The following PTER variants were observed in gnomAD, a reference collection of about 807,000 sequenced individuals.
The protein encoded by PTER is N-acetyltaurine hydrolase.
PTER carries 38 observed loss-of-function variants against 29.6 expected under a neutral mutation model. The ratio of observed to expected loss-of-function variants is 1.28; its 90% CI spans 0.99 to 1.68. PTER has a LOEUF of 1.68. PTER is among the 40% of genes most tolerant of loss of function. The pLI is 0.00. For missense variants in PTER, 482 were observed against 427.8 expected, an observed-to-expected ratio of 1.13 and a Z score of -1.12; for synonymous variants, 172 against 154.5, an observed-to-expected ratio of 1.11 and a Z score of -0.84.
At chr10:16,514,873 T>C (rs1375078376), downstream of PTER, among the ~76,000 whole-genome samples, 1 of 152,206 alleles carries the variant, frequency 6.6e-6, no homozygotes, top group Non-Finnish European at 1.5e-5. Context: ...TGTGGCAGTT[T>C]CCGCTACGTT....
intron 1 of PTER, among the ~76,000 whole-genome samples, chr10:16,477,053 A>T (rs1292253844): frequency 6.6e-6 from 1 of 152,024 alleles, no homozygotes. Context: ...CTATAGGCAC[A>T]CATCACCATG....
chr10:16,478,600 C>T (rs1254431685), intron 1 of PTER, among the ~76,000 whole-genome samples: 1 of 151,686 alleles, frequency 6.6e-6, no homozygotes, highest in African/African-American at 2.4e-5. Flanking sequence ...TCCCAAAGTG[C>T]TGGGATTACA....
chr10:16,446,618 ATATT>A (rs1834021914), intron 1 of PTER, among the ~76,000 whole-genome samples: 1 of 152,106 alleles, frequency 6.6e-6, no homozygotes, highest in Non-Finnish European at 1.5e-5. Flanking sequence ...TTTGTTATAT[ATATT>A]AAAGAACATA....
chr10:16,455,249 T>A (rs781741721), intron 1 of PTER, among the ~76,000 whole-genome samples: 1 of 151,028 alleles, frequency 6.6e-6, no homozygotes, highest in Non-Finnish European at 1.5e-5. Context: ...AAAAAAAAAA[T>A]GAATAAGCAG....
At chr10:16,450,889 T>G (rs1834184424) in intron 1 of PTER, among the ~76,000 whole-genome samples, 2 of 152,220 alleles carry the variant, frequency 1.3e-5, no homozygotes, top group African/African-American at 4.8e-5. Flanking sequence ...GAGTATCAAA[T>G]GCATCTATTT....
At chr10:16,518,370 C>A (rs114468324), downstream of PTER, among the ~76,000 whole-genome samples, 725 of 152,220 alleles carry the variant, frequency 4.8e-3, 5 homozygotes, top group African/African-American at 0.016. Flanking sequence ...CTGTTGCATA[C>A]CTTTTGCAGA....
At chr10:16,454,633 G>A (rs1054172956) in intron 1 of PTER, among the ~76,000 whole-genome samples, 4 of 151,836 alleles carry the variant, frequency 2.6e-5, no homozygotes, top group African/African-American at 9.7e-5. Context: ...AATTATTTGT[G>A]TTTCTAATAT....
At position 16,511,266 on chromosome 10, in the gene PTER, T is replaced by G; in HGVS notation, c.*10T>G. Reference sequence around the variant, plus strand: ...GCTAACTTTCAAATAGGATGGTTGCTTATGAATTCACACCTTGAGTATAAA... The same window carrying G: ...GCTAACTTTCAAATAGGATGGTTGCGTATGAATTCACACCTTGAGTATAAA... On this transcript the variant is annotated 3_prime_UTR_variant, in exon 5 of 5. Transcript: ENST00000535784. 6.2e-7 allele frequency: 1 copy of G among 1,606,430 alleles called. No individual in the cohort carries two copies. The highest frequency in any genetic ancestry group is 1.3e-5 in the African/African-American group (1 of 74,818).
At chr10:16,477,365 T>C (rs1050202793) in intron 1 of PTER, among the ~76,000 whole-genome samples, 1 of 151,962 alleles carries the variant, frequency 6.6e-6, no homozygotes, top group Non-Finnish European at 1.5e-5. Flanking sequence ...TTTTTAGAGA[T>C]GGGGTTTCAC....
At chr10:16,515,767 A>G (rs1014118484), downstream of PTER, among the ~76,000 whole-genome samples, 3 of 152,252 alleles carry the variant, frequency 2.0e-5, no homozygotes. Flanking sequence ...GATTTGATTT[A>G]TTTCAGTAAA....
Position 16,511,046 on chromosome 10 carries a change from G to A in PTER, c.840G>A (p.Arg280=). The change falls in exon 5 of 5, where the codon AGG becomes AGA. Residue 280 remains arginine, a splice_region_variant and synonymous_variant. Transcript: ENST00000535784. The part of the protein sequence containing the change: ...DMPDDNKRIR[R]VRLLVEEGCE... ...TCTAATGAGTTAACATTTTTCACAGGGTGCGTCTCCTGGTGGAAGAGGGCT... is the reference window on the plus strand; with the variant it reads ...TCTAATGAGTTAACATTTTTCACAGAGTGCGTCTCCTGGTGGAAGAGGGCT... 6.2e-7 allele frequency: 1 copy of A among 1,611,146 alleles called. No individual in the cohort carries two copies. Among genetic ancestry groups the A allele is most frequent in the Non-Finnish European group, 8.5e-7 (1 of 1,178,528 alleles).
At chr10:16,509,323 G>A (rs1836721104) in intron 4 of PTER, among the ~76,000 whole-genome samples, 1 of 152,038 alleles carries the variant, frequency 6.6e-6, no homozygotes, top group Non-Finnish European at 1.5e-5. Flanking sequence ...TTGACTTAAT[G>A]GGTTCTAAGG....
chr10:16,457,434 C>G (rs1834449586), intron 1 of PTER, among the ~76,000 whole-genome samples: 1 of 152,108 alleles, frequency 6.6e-6, no homozygotes, highest in Non-Finnish European at 1.5e-5. Flanking sequence ...ACGATGGTCT[C>G]GATCTCCTGT....
intron 2 of PTER, among the ~76,000 whole-genome samples, chr10:16,485,846 C>G (rs1324780863): frequency 2.0e-5 from 3 of 152,056 alleles, no homozygotes; most frequent in Non-Finnish European, 4.4e-5. Flanking sequence ...GTAGTCCTAG[C>G]TACATGGGAG....
intron 1 of PTER, among the ~76,000 whole-genome samples, chr10:16,483,195 G>A (rs536194221): frequency 6.6e-6 from 1 of 152,316 alleles, no homozygotes; most frequent in Admixed American, 6.5e-5. Flanking sequence ...CTTAATTTGT[G>A]CTACAAATGA....
At chr10:16,515,773 G>T (rs1213378527), downstream of PTER, among the ~76,000 whole-genome samples, 2 of 152,226 alleles carry the variant, frequency 1.3e-5, no homozygotes, top group Non-Finnish European at 2.9e-5. Context: ...ATTTATTTCA[G>T]TAAAACATCT....
chr10:16,475,799 G>A (rs887176307), intron 1 of PTER, among the ~76,000 whole-genome samples: 20 of 152,180 alleles, frequency 1.3e-4, no homozygotes, highest in East Asian at 3.9e-4. Context: ...GATGTCAATT[G>A]CAGCTGTCAA....
At chr10:16,438,678 G>A (rs1331200618) in intron 1 of PTER, among the ~76,000 whole-genome samples, 3 of 149,652 alleles carry the variant, frequency 2.0e-5, no homozygotes, top group South Asian at 4.3e-4. Context: ...CTGTAATCCC[G>A]GCACTTTGGG....
chr10:16,461,111 A>G (rs1340034334), intron 1 of PTER, among the ~76,000 whole-genome samples: 1 of 152,182 alleles, frequency 6.6e-6, no homozygotes, highest in Non-Finnish European at 1.5e-5. Context: ...TTATATAAGT[A>G]TATAGATAAA....
Sources: gnomAD v4.1 joint callset for allele counts (sites outside exome capture counted in the v4.1 genomes callset) on GRCh38, gnomAD v4.1.1 for gene constraint, MANE v1.5 for transcripts, NCBI Gene and HGNC (gene_info 2026-07-23, HGNC 2026-07-21) for gene names.